The following OPN5 variants were observed in gnomAD, a reference collection of about 807,000 sequenced individuals.
OPN5 encodes opsin-5.
A neutral mutation model predicts 41.7 loss-of-function variants in OPN5; 18 were observed. That is an observed-to-expected ratio of 0.43 (90% CI 0.30 to 0.64). The LOEUF is 0.64. Ranked by LOEUF, OPN5 falls within the 30% of genes least tolerant of loss-of-function variation. The probability of loss-of-function intolerance (pLI) is 0.13; values close to 1 mark genes in which losing one functional copy is unlikely to be tolerated. For synonymous variants in OPN5, 178 were observed against 164.3 expected (o/e 1.08, Z -0.64); for missense variants, 318 against 434.5 (o/e 0.73, Z 2.38).
At chr6:47,782,621 G>A (rs995790157) in intron 1 of OPN5, among the ~76,000 whole-genome samples, 2 of 152,152 alleles carry the variant, frequency 1.3e-5, no homozygotes, top group Non-Finnish European at 2.9e-5. Flanking sequence ...TCTCACAACT[G>A]TGCAAAACTC....
chr6:47,795,442 C>T lies in OPN5; in HGVS notation c.635C>T (p.Thr212Met), dbSNP rs773340997. 174 of 1,613,954 alleles carry T rather than the reference C, an allele frequency of 1.1e-4. No homozygotes were observed. Among genetic ancestry groups the T allele is most frequent in the Non-Finnish European group, 1.4e-4 (167 of 1,179,950 alleles). Residue 212 changes from threonine (T) to methionine (M), a missense_variant, in exon 4 of 7, where the codon ACG becomes ATG. By Grantham distance (81) the Thr-to-Met change is moderately conservative. Around this residue, in one of 3 missense-constraint regions of OPN5, gnomAD observed 219 missense variants for 343.4 expected, o/e 0.64. Transcript: ENST00000371211. ...CTCTTCTTCTGCCTCTTGCTCCCAA[C>T]GGCTGTGATCGTGTTCTCCTACGTA...
chr6:47,796,729 A>G (rs9473180), intron 4 of OPN5, among the ~76,000 whole-genome samples: 22,392 of 152,174 alleles, frequency 0.15, 1,768 homozygotes, highest in Middle Eastern at 0.17. Context: ...CTTTTTAGTA[A>G]GTCAGAGACT....
At chr6:47,791,694 C>A in intron 2 of OPN5, 108 bp from the exon 3 acceptor site, 1 of 786,938 alleles carries the variant, frequency 1.3e-6, no homozygotes, top group Non-Finnish European at 2.1e-6. Flanking sequence ...TGTGTGTGTG[C>A]GTTCACATGT....
rs558057158 is a variant in OPN5, at chr6:47,795,386, G to A, written c.579G>A (p.Ser193=). ...TGGACTGGTGGCTGGCCCAGGCCTCGGTAGGGGGCCAGGTTTTCATCCTGA... is the reference window on the plus strand; with the variant it reads ...TGGACTGGTGGCTGGCCCAGGCCTCAGTAGGGGGCCAGGTTTTCATCCTGA... The change falls in exon 4 of 7, where the codon TCG becomes TCA. Residue 193 remains serine, a synonymous_variant. Coordinates refer to ENST00000371211, the Ensembl canonical transcript of OPN5. The A allele has an allele frequency of 2.0e-5, 32 of 1,614,082 alleles. No individual in the cohort carries two copies. In the South Asian group the frequency reaches 2.7e-4, roughly 14 times the overall value.
At chr6:47,797,653 T>A (rs781054562) in intron 4 of OPN5, among the ~76,000 whole-genome samples, 10 of 152,250 alleles carry the variant, frequency 6.6e-5, no homozygotes, top group Non-Finnish European at 1.5e-4. Context: ...CGAAGTTTAC[T>A]TTGCATACAG....
chr6:47,807,131 T>C (rs1303803044), intron 4 of OPN5, among the ~76,000 whole-genome samples: 3 of 152,230 alleles, frequency 2.0e-5, no homozygotes, highest in Non-Finnish European at 2.9e-5. Flanking sequence ...CATTCCAGCC[T>C]GGGCAACAAG....
exon 5 of OPN5, chr6:47,808,216 G>T (rs763461918): frequency 7.4e-6 from 12 of 1,613,716 alleles, no homozygotes; most frequent in Non-Finnish European, 9.3e-6. Context: ...TGGTGTCTGT[G>T]TGGTCAGCTT....
chr6:47,788,905 G>C (rs1364288989), intron 2 of OPN5, among the ~76,000 whole-genome samples: 1 of 151,670 alleles, frequency 6.6e-6, no homozygotes, highest in Non-Finnish European at 1.5e-5. Context: ...TGGAACCCTG[G>C]ATGTTGATAT....
At chr6:47,786,373 C>A in intron 1 of OPN5, 142 bp from the exon 2 acceptor site, 1 of 621,568 alleles carries the variant, frequency 1.6e-6, no homozygotes, top group East Asian at 2.7e-5. Flanking sequence ...ATTTCATCTT[C>A]TTAATTTAGA....
intron 1 of OPN5, among the ~76,000 whole-genome samples, chr6:47,782,801 CG>C (rs1773118672): frequency 6.6e-6 from 1 of 152,108 alleles, no homozygotes; most frequent in African/African-American, 2.4e-5. Flanking sequence ...GCATAATTGA[CG>C]AAAGGGTGCA....
At chr6:47,782,562 G>A (rs142091231) in intron 1 of OPN5, among the ~76,000 whole-genome samples, 43 of 152,242 alleles carry the variant, frequency 2.8e-4, no homozygotes, top group African/African-American at 1.0e-3. Context: ...ATAATCATAA[G>A]TTTTAGGTTG....
chr6:47,819,906 C>G (rs888809714), intron 6 of OPN5, among the ~76,000 whole-genome samples: 1 of 152,060 alleles, frequency 6.6e-6, no homozygotes, highest in Admixed American at 6.6e-5. Context: ...CAAATTCCTC[C>G]AAGCAAAATA....
intron 1 of OPN5, among the ~76,000 whole-genome samples, chr6:47,784,590 G>A (rs980826394): frequency 6.6e-6 from 1 of 152,028 alleles, no homozygotes; most frequent in Non-Finnish European, 1.5e-5. Flanking sequence ...GAGCCACCGC[G>A]CCTGGCCAAG....
At chr6:47,789,578 T>C (rs1005296556) in intron 2 of OPN5, among the ~76,000 whole-genome samples, 1 of 152,206 alleles carries the variant, frequency 6.6e-6, no homozygotes, top group Non-Finnish European at 1.5e-5. Context: ...CTCCATTTCC[T>C]TGTGGACTCA....
intron 5 of OPN5, among the ~76,000 whole-genome samples, chr6:47,811,024 G>A (rs1330594273): frequency 1.3e-5 from 2 of 152,198 alleles, no homozygotes; most frequent in Non-Finnish European, 2.9e-5. Context: ...ACGAACCAGA[G>A]GCTGAGAAAG....
At chr6:47,823,630 A>T (rs1762704902) in intron 6 of OPN5, 1 of 380,332 alleles carries the variant, frequency 2.6e-6, no homozygotes, top group South Asian at 6.6e-5. Flanking sequence ...TAGGGAGAAG[A>T]TCCTGCAAGG....
intron 3 of OPN5, 74 bp downstream of exon 3, chr6:47,792,046 T>G: frequency 9.8e-7 from 1 of 1,021,628 alleles, no homozygotes; most frequent in Non-Finnish European, 1.5e-6. Context: ...ACATATTTTA[T>G]GCAGGTAATA....
intron 4 of OPN5, among the ~76,000 whole-genome samples, chr6:47,803,709 T>C (rs1483757633): frequency 6.6e-6 from 1 of 152,188 alleles, no homozygotes; most frequent in Non-Finnish European, 1.5e-5. Context: ...AGCATGCAGC[T>C]TCAAGTATTA....
rs375407152 is a variant in OPN5 at position 47,795,615 on chromosome 6, T to G, written c.756+52T>G. The G allele has an allele frequency of 7.0e-6, 9 of 1,282,082 alleles. No homozygotes were observed. In the East Asian group the frequency reaches 1.4e-4, roughly 20 times the overall value. The allele number at this position is 1,282,082 out of a possible 1,614,324, so 79.4% of individuals were successfully genotyped here. On this transcript the variant is annotated intron_variant, in intron 4 of 6. Coordinates refer to ENST00000371211, the Ensembl canonical transcript of OPN5. Reference sequence around the variant, plus strand: ...TGTTTTCTGACTACTTACAACTTCATAGGGTACAAAGGATAGGGAACGTTG... The same window carrying G: ...TGTTTTCTGACTACTTACAACTTCAGAGGGTACAAAGGATAGGGAACGTTG...
Sources: allele counts gnomAD v4.1 joint callset (sites outside exome capture counted in the v4.1 genomes callset), GRCh38; gene constraint gnomAD v4.1.1; regional missense constraint gnomAD v4.1.1; transcripts MANE v1.5; gene names NCBI Gene and HGNC (gene_info 2026-07-23, HGNC 2026-07-21).